The following ELL2 variants were observed in gnomAD, a reference collection of about 807,000 sequenced individuals.
ELL2 encodes the protein elongation factor for RNA polymerase II 2.
Under a neutral mutation model 72.8 loss-of-function variants are expected in ELL2, and 21 were observed. That is an observed-to-expected ratio of 0.29 (90% CI 0.20 to 0.42). The LOEUF (loss-of-function observed/expected upper bound fraction) is 0.42, where lower values mean the gene tolerates loss of function less well. Ranked by LOEUF, ELL2 falls within the 10% of genes least tolerant of loss-of-function variation. The pLI, the probability that ELL2 is intolerant of heterozygous loss-of-function variation, is 1.00. For missense variants in ELL2, 568 were observed against 772.8 expected (o/e 0.73, Z 3.14); for synonymous variants, 266 against 283.2 (o/e 0.94, Z 0.61).
intron 7 of ELL2, 64 bp from the exon 8 acceptor site, chr5:95,898,874 G>A: frequency 8.0e-7 from 1 of 1,249,408 alleles, no homozygotes; most frequent in African/African-American, 1.5e-5. Flanking sequence ...TTCAATACAT[G>A]CATGGCTGGT....
rs1748549112 is a variant in ELL2, at chr5:95,888,763, A to G, written c.*108T>C. On this transcript the variant is annotated 3_prime_UTR_variant, in exon 12 of 12. Transcript: ENST00000237853. ...AAGTAACTCAAGTTTACTAATACTGAAACTTTCAACAGCCAAAGTTTCACC... is the reference window on the plus strand; with the variant it reads ...AAGTAACTCAAGTTTACTAATACTGGAACTTTCAACAGCCAAAGTTTCACC... 2 of 764,772 alleles carry G rather than the reference A, an allele frequency of 2.6e-6. No individual in the cohort carries two copies. Among genetic ancestry groups the G allele is most frequent in the Admixed American group, 6.4e-5 (2 of 31,274 alleles). The allele number at this position is 764,772 out of a possible 1,614,324, so 47.4% of individuals were successfully genotyped here.
In ELL2 at chr5:95,958,903, A is replaced by AT. The variant is rs201153724; in HGVS notation, c.147+2671dup. 3.1e-3 allele frequency among the ~76,000 whole-genome samples: 422 copies of AT among 137,236 alleles called. 1 individual carries two copies. Among genetic ancestry groups the AT allele is most frequent in the Admixed American group, 0.011 (160 of 14,288 alleles). The allele number at this position is 137,236 out of a possible 152,430, so 90.0% of individuals were successfully genotyped here. ...CGACTTTGGTACCTCTTAAAAAGTAATTTTTTTTTTTTAAATTAAGAACTA... is the reference window on the plus strand; with the variant it reads ...CGACTTTGGTACCTCTTAAAAAGTAATTTTTTTTTTTTTAAATTAAGAACTA... On this transcript the variant is annotated intron_variant, in intron 1 of 11. Transcript: ENST00000237853.
At chr5:95,914,349 G>A (rs976453585) in intron 3 of ELL2, among the ~76,000 whole-genome samples, 1 of 151,772 alleles carries the variant, frequency 6.6e-6, no homozygotes. Flanking sequence ...TAGTTGAAAC[G>A]GACTCACCAC....
chr5:95,906,485 A>G, intron 5 of ELL2, 38 bp downstream of exon 5: 1 of 1,532,228 alleles, frequency 6.5e-7, no homozygotes, highest in Non-Finnish European at 8.8e-7. Flanking sequence ...TTTTAACAAG[A>G]AGGTAAGCAG....
At chr5:95,916,821 G>A (rs189824093) in intron 3 of ELL2, among the ~76,000 whole-genome samples, 65 of 151,936 alleles carry the variant, frequency 4.3e-4, no homozygotes, top group Middle Eastern at 3.4e-3. Context: ...TGGGAGAGAG[G>A]GGGGAGAGTG....
chr5:95,959,146 T>C (rs1234930525), intron 1 of ELL2, among the ~76,000 whole-genome samples: 1 of 152,194 alleles, frequency 6.6e-6, no homozygotes, highest in Non-Finnish European at 1.5e-5. Flanking sequence ...TTACTGTCAC[T>C]TCGCTTTCCC....
intron 5 of ELL2, among the ~76,000 whole-genome samples, chr5:95,902,807 G>A (rs936558895): frequency 6.6e-6 from 1 of 151,882 alleles, no homozygotes; most frequent in Non-Finnish European, 1.5e-5. Flanking sequence ...TTTGAGACAA[G>A]GTCTCACTCT....
intron 3 of ELL2, among the ~76,000 whole-genome samples, chr5:95,915,709 G>C (rs573143601): frequency 1.3e-5 from 2 of 152,202 alleles, no homozygotes; most frequent in Non-Finnish European, 2.9e-5. Context: ...AGGTGATCTA[G>C]AAAGATGACT....
rs887251627 is a variant in ELL2, at chr5:95,900,944, A to G, written c.866+12T>C. ...GAAACATTTTTTTAAAAGCAAGAAA[A>G]AAAGAATTCACCTAGAGAGCACTGA... is the stretch of plus-strand genomic sequence containing the variant. On this transcript the variant is annotated intron_variant, in intron 6 of 11. Transcript: ENST00000237853. The G allele has an allele frequency of 1.9e-6, 3 of 1,578,250 alleles. No individual in the cohort carries two copies. Among genetic ancestry groups the G allele is most frequent in the South Asian group, 1.2e-5 (1 of 84,792 alleles).
intron 2 of ELL2, among the ~76,000 whole-genome samples, chr5:95,927,807 A>ATATAGACATACACACACACATG (rs1750444631): frequency 9.8e-6 from 1 of 102,448 alleles, no homozygotes; most frequent in Non-Finnish European, 1.8e-5. Flanking sequence ...ACACACACAT[A>ATATAGACATACACACACACATG]TGTGTGTATA....
intron 1 of ELL2, among the ~76,000 whole-genome samples, chr5:95,960,505 T>G (rs1751789010): frequency 6.6e-6 from 1 of 152,024 alleles, no homozygotes; most frequent in Non-Finnish European, 1.5e-5. Context: ...CTCTCTGTAC[T>G]GGAGGGGTGT....
intron 1 of ELL2, among the ~76,000 whole-genome samples, chr5:95,948,793 A>G (rs1425248229): frequency 6.6e-6 from 1 of 152,242 alleles, no homozygotes; most frequent in East Asian, 1.9e-4. Context: ...TATTTGAGCT[A>G]TAAGTAAGAG....
At chr5:95,946,005 AC>A (rs773995252) in intron 1 of ELL2, among the ~76,000 whole-genome samples, 15 of 152,034 alleles carry the variant, frequency 9.9e-5, no homozygotes, top group Admixed American at 2.0e-4. Context: ...CCCCTCCCTA[AC>A]CCCTCACTGA....
chr5:95,941,062 G>T (rs931423219), intron 2 of ELL2, among the ~76,000 whole-genome samples: 1 of 152,108 alleles, frequency 6.6e-6, no homozygotes, highest in African/African-American at 2.4e-5. Context: ...TGAAAAGAGT[G>T]GGGGGTTGAG....
At chr5:95,909,130 A>G (rs535164664) in intron 4 of ELL2, among the ~76,000 whole-genome samples, 1 of 152,308 alleles carries the variant, frequency 6.6e-6, no homozygotes, top group East Asian at 1.9e-4. Context: ...GAAGACAAAT[A>G]AGGGAGGCTA....
chr5:95,888,758 T>C lies in ELL2; in HGVS notation c.*113A>G, dbSNP rs1200055826. The C allele has an allele frequency of 7.1e-6, 5 of 700,156 alleles. No individual in the cohort carries two copies. In the East Asian group the frequency reaches 1.5e-4, roughly 20 times the overall value. The allele number at this position is 700,156 out of a possible 1,614,324, so 43.4% of individuals were successfully genotyped here. On this transcript the variant is annotated 3_prime_UTR_variant, in exon 12 of 12. Coordinates refer to ENST00000237853, the MANE Select transcript of ELL2 (RefSeq NM_012081.6). ...AGAAAAAGTAACTCAAGTTTACTAA[T>C]ACTGAAACTTTCAACAGCCAAAGTT... is the stretch of plus-strand genomic sequence containing the variant.
intron 3 of ELL2, among the ~76,000 whole-genome samples, chr5:95,918,808 A>T (rs1749930103): frequency 6.6e-6 from 1 of 152,012 alleles, no homozygotes; most frequent in Non-Finnish European, 1.5e-5. Flanking sequence ...TTGTTTACAG[A>T]GGATCTAAGT....
intron 1 of ELL2, among the ~76,000 whole-genome samples, chr5:95,950,705 A>T (rs1183061776): frequency 6.6e-6 from 1 of 151,772 alleles, no homozygotes; most frequent in East Asian, 1.9e-4. Flanking sequence ...CAGATTTGGA[A>T]GAACCAGATT....
At chr5:95,950,900 A>ACG (rs1751351376) in intron 1 of ELL2, among the ~76,000 whole-genome samples, 1 of 46,138 alleles carries the variant, frequency 2.2e-5, no homozygotes, top group African/African-American at 1.4e-4. Context: ...GTATGTATGT[A>ACG]TGTGTATATA....
Sources: gnomAD v4.1 joint callset for allele counts (sites outside exome capture counted in the v4.1 genomes callset) on GRCh38, gnomAD v4.1.1 for gene constraint, MANE v1.5 for transcripts, NCBI Gene and HGNC (gene_info 2026-07-23, HGNC 2026-07-21) for gene names.